GALK2: variants seen among roughly 807,000 people sequenced by gnomAD.
GALK2 encodes N-acetylgalactosamine kinase.
A neutral mutation model predicts 52.4 loss-of-function variants in GALK2; 36 were observed. The observed-to-expected ratio is 0.69, with a 90% CI of 0.53 to 0.91. The LOEUF is 0.91. Ranked by LOEUF, GALK2 falls within the 40% of genes least tolerant of loss-of-function variation. GALK2 has a pLI of 0.00. For synonymous variants in GALK2, 176 were observed against 199.1 expected (o/e 0.88, Z 0.98); for missense variants, 579 against 559.1 (o/e 1.04, Z -0.36).
intron 8 of GALK2, among the ~76,000 whole-genome samples, chr15:49,299,794 T>C (rs1157315708): frequency 7.0e-6 from 1 of 143,032 alleles, no homozygotes. Context: ...TTTCTTTCTT[T>C]CGTGCTGTAG....
intron 8 of GALK2, among the ~76,000 whole-genome samples, chr15:49,312,835 C>T (rs1391401043): frequency 6.6e-6 from 1 of 152,168 alleles, no homozygotes; most frequent in Non-Finnish European, 1.5e-5. Flanking sequence ...GTAGAAGTTA[C>T]AGGAAGACAG....
intron 1 of GALK2, chr15:49,178,547 C>G (rs901989637): frequency 1.5e-5 from 4 of 264,506 alleles, no homozygotes; most frequent in Non-Finnish European, 3.0e-5. Flanking sequence ...ATGGTGCACA[C>G]GAATCCTATA....
chr15:49,211,410 C>G (rs1312153291), intron 2 of GALK2, among the ~76,000 whole-genome samples: 1 of 152,158 alleles, frequency 6.6e-6, no homozygotes, highest in East Asian at 1.9e-4. Context: ...CAAACTTTCC[C>G]TCATCGTCCT....
At chr15:49,229,033 T>G (rs1248275073) in intron 3 of GALK2, among the ~76,000 whole-genome samples, 1 of 152,110 alleles carries the variant, frequency 6.6e-6, no homozygotes, top group Non-Finnish European at 1.5e-5. Context: ...TGAATTCTAT[T>G]TCTGGAATTT....
chr15:49,316,309 A>C (rs1016894388), intron 8 of GALK2, among the ~76,000 whole-genome samples: 1 of 148,252 alleles, frequency 6.7e-6, no homozygotes, highest in Non-Finnish European at 1.5e-5. Context: ...CGAAAGTAAG[A>C]GTTATAAGGA....
chr15:49,228,108 TG>T (rs2090242210), intron 3 of GALK2, among the ~76,000 whole-genome samples: 1 of 152,196 alleles, frequency 6.6e-6, no homozygotes, highest in Non-Finnish European at 1.5e-5. Flanking sequence ...GGGGCTCCTT[TG>T]TAAGTGTCTA....
chr15:49,280,839 T>A (rs1389730670), intron 5 of GALK2, among the ~76,000 whole-genome samples: 1 of 152,022 alleles, frequency 6.6e-6, no homozygotes, highest in Non-Finnish European at 1.5e-5. Flanking sequence ...AGATTTTTTA[T>A]TTTTTTATTT....
rs200846163 is a variant in GALK2, at chr15:49,353,611, A to AG, written c.427-13877dup. On this transcript the variant is annotated intron_variant, in intron 3 of 3. Coordinates refer to the GALK2 transcript ENST00000558399. Reference sequence around the variant, plus strand: ...CAATTTTTGAAGTTGAAGGAAAATAAGGGTTTTTTTTTTTTTTTGTAAAAT... The same window carrying AG: ...CAATTTTTGAAGTTGAAGGAAAATAAGGGGTTTTTTTTTTTTTTTGTAAAAT... The AG allele has an allele frequency of 4.2e-3, 586 of 139,244 alleles. 5 individuals are homozygous for AG. The highest frequency in any genetic ancestry group is 0.016 in the African/African-American group (552 of 35,450). 8.6% of individuals were successfully genotyped at this position (139,244 alleles called of 1,614,324 possible). A position where few individuals can be genotyped will look rare whatever the true frequency, so the allele number is the denominator to read the frequency against.
At chr15:49,267,751 C>T (rs570483548) in intron 5 of GALK2, among the ~76,000 whole-genome samples, 2 of 151,892 alleles carry the variant, frequency 1.3e-5, no homozygotes, top group African/African-American at 4.8e-5. Flanking sequence ...TTGAATAAAT[C>T]AGAAAAATGG....
intron 2 of GALK2, 161 bp from the exon 3 acceptor site, chr15:49,217,029 T>C: frequency 1.8e-6 from 1 of 560,420 alleles, no homozygotes; most frequent in Non-Finnish European, 3.1e-6. Context: ...TGGTGTAAGA[T>C]CATGGAAGGG....
chr15:49,355,576 A>T (rs1432691333), intron 3 of GALK2, among the ~76,000 whole-genome samples: 6 of 152,216 alleles, frequency 3.9e-5, no homozygotes, highest in Non-Finnish European at 1.5e-5. Flanking sequence ...GCCTCCAAGA[A>T]ATATGGGGCT....
At chr15:49,205,439 G>C (rs995278352) in intron 2 of GALK2, among the ~76,000 whole-genome samples, 1 of 152,138 alleles carries the variant, frequency 6.6e-6, no homozygotes, top group African/African-American at 2.4e-5. Flanking sequence ...GAGTGAGGTG[G>C]TATCACATTG....
intron 8 of GALK2, among the ~76,000 whole-genome samples, chr15:49,292,840 T>C (rs1265582742): frequency 1.3e-5 from 2 of 152,292 alleles, no homozygotes; most frequent in East Asian, 1.9e-4. Context: ...ATGCTACTTG[T>C]ATAAAAAATG....
At chr15:49,231,137 G>A (rs1198687192) in intron 3 of GALK2, among the ~76,000 whole-genome samples, 1 of 152,124 alleles carries the variant, frequency 6.6e-6, no homozygotes, top group Non-Finnish European at 1.5e-5. Context: ...AATAAAAGAG[G>A]TATAAATGGC....
chr15:49,262,016 G>C (rs2092134545), intron 5 of GALK2, among the ~76,000 whole-genome samples: 1 of 152,128 alleles, frequency 6.6e-6, no homozygotes, highest in Admixed American at 6.5e-5. Context: ...CAAGGATATT[G>C]GTCTAAAATT....
At chr15:49,233,961 C>T (rs1323635669) in intron 3 of GALK2, among the ~76,000 whole-genome samples, 1 of 152,110 alleles carries the variant, frequency 6.6e-6, no homozygotes, top group African/African-American at 2.4e-5. Flanking sequence ...TTTATATTCC[C>T]ATGCATGCTT....
chr15:49,251,360 A>G (rs1029907234), intron 5 of GALK2, among the ~76,000 whole-genome samples: 7 of 152,210 alleles, frequency 4.6e-5, no homozygotes, highest in African/African-American at 1.7e-4. Flanking sequence ...AAGATTTATC[A>G]TGCATTCATG....
intron 2 of GALK2, among the ~76,000 whole-genome samples, chr15:49,212,141 G>A (rs2141358828): frequency 6.6e-6 from 1 of 152,224 alleles, no homozygotes; most frequent in East Asian, 1.9e-4. Flanking sequence ...TGCCCAGGCT[G>A]GAGTGCAGTG....
intron 7 of GALK2, among the ~76,000 whole-genome samples, chr15:49,284,677 T>C (rs939516490): frequency 6.6e-6 from 1 of 152,182 alleles, no homozygotes; most frequent in South Asian, 2.1e-4. Context: ...AATAATTTCA[T>C]ACCTTCTTTA....
Sources: allele counts gnomAD v4.1 joint callset (sites outside exome capture counted in the v4.1 genomes callset), GRCh38; gene constraint gnomAD v4.1.1; transcripts MANE v1.5; gene names NCBI Gene and HGNC (gene_info 2026-07-23, HGNC 2026-07-21).